The following DKKL1 variants were observed in gnomAD, a reference collection of about 807,000 sequenced individuals.
The protein encoded by DKKL1 is dickkopf-like protein 1.
DKKL1 carries 11 observed loss-of-function variants against 16.5 expected under a neutral mutation model. That is an observed-to-expected ratio of 0.67 (90% CI 0.42 to 1.10). DKKL1 has a LOEUF of 1.10. DKKL1 is among the 50% of genes least tolerant of loss of function. DKKL1 has a pLI of 0.00. For missense variants in DKKL1, 320 were observed against 308.1 expected (o/e 1.04, Z -0.29); for synonymous variants, 119 against 133.2 (o/e 0.89, Z 0.73).
chr19:49,374,227 C>T (rs866902560), intron 4 of DKKL1, among the ~76,000 whole-genome samples: 2 of 152,198 alleles, frequency 1.3e-5, no homozygotes, highest in African/African-American at 4.8e-5. Context: ...ACCTCGTGAT[C>T]CGCCAGCCTC....
chr19:49,373,985 A>AT (rs930127248), intron 4 of DKKL1, among the ~76,000 whole-genome samples: 55 of 143,942 alleles, frequency 3.8e-4, no homozygotes, highest in South Asian at 8.8e-4. Context: ...TGAAAGCTTT[A>AT]TTTTTTTTTT....
intron 4 of DKKL1, chr19:49,368,921 G>A (rs1228639318): frequency 6.6e-6 from 1 of 152,160 alleles, no homozygotes; most frequent in Non-Finnish European, 1.5e-5. Flanking sequence ...ACTTCTCCAA[G>A]TCTTTTGGCA....
chr19:49,361,341 G>A (rs1972912547), upstream of DKKL1: 1 of 153,314 alleles, frequency 6.5e-6, no homozygotes, highest in African/African-American at 2.4e-5. Context: ...CAGAGAGAGG[G>A]GGACAGAGGC....
chr19:49,366,267 A>T (rs1279077325), intron 4 of DKKL1, among the ~76,000 whole-genome samples: 1 of 152,122 alleles, frequency 6.6e-6, no homozygotes, highest in African/African-American at 2.4e-5. Context: ...GAGGACAAGA[A>T]GAGGAACTGA....
rs1279077325 is a variant in DKKL1, at chr19:49,366,267, A to C, written c.417+382A>C. 2.0e-5 allele frequency among the ~76,000 whole-genome samples: 3 copies of C among 152,240 alleles called. No individual in the cohort carries two copies. The South Asian group carries it at 6.2e-4, about 32-fold the overall frequency. On this transcript the variant is annotated intron_variant, in intron 4 of 4. Transcript: ENST00000221498. ...TTTTCTGTAGTTTAGGAGGACAAGA[A>C]GAGGAACTGACCCTCTTACTCCTCT...
chr19:49,363,135 G>C (rs1277491969), upstream of DKKL1: 1 of 152,072 alleles, frequency 6.6e-6, no homozygotes, highest in Non-Finnish European at 1.5e-5. Context: ...CCCGGGACGG[G>C]GAAGAGAGCT....
Position 49,374,997 on chromosome 19 carries a change from T to C in DKKL1, c.698T>C (p.Leu233Pro). The change falls in exon 5 of 5, where the codon CTG becomes CCG. Residue 233 changes from leucine to proline, a missense_variant. By Grantham distance (98) the Leu-to-Pro change is moderately conservative (BLOSUM62 -3). Coordinates refer to ENST00000221498, the MANE Select transcript of DKKL1 (RefSeq NM_014419.4). ...SRLSPRKTHL[L>P]YILRPSRQL ...CTGTCCCCCCGAAAGACCCACTTAC[T>C]GTACATCCTCAGGCCCTCTCGGCAG... The C allele has an allele frequency of 1.2e-6, 2 of 1,612,480 alleles. No individual in the cohort carries two copies. Among genetic ancestry groups the C allele is most frequent in the Non-Finnish European group, 1.7e-6 (2 of 1,179,376 alleles).
At position 49,374,712 on chromosome 19, in the gene DKKL1, C is replaced by A. The variant is rs750117535; in HGVS notation, c.418-5C>A. 1.6e-5 allele frequency: 25 copies of A among 1,519,864 alleles called. No individual in the cohort carries two copies. The South Asian group carries it at 3.0e-4, about 18-fold the overall frequency. The allele number at this position is 1,519,864 out of a possible 1,614,324, so 94.1% of individuals were successfully genotyped here. ...TGAGAGGGTCTCCTTGTTCTTCCTCCCCAGGTACCCAGGATGGAGGAGAAG... is the reference window on the plus strand; with the variant it reads ...TGAGAGGGTCTCCTTGTTCTTCCTCACCAGGTACCCAGGATGGAGGAGAAG... On this transcript the variant is annotated splice_region_variant and splice_polypyrimidine_tract_variant and intron_variant, in intron 4 of 4. Coordinates refer to ENST00000221498, the MANE Select transcript of DKKL1 (RefSeq NM_014419.4).
chr19:49,374,048 G>A (rs982602643), intron 4 of DKKL1, among the ~76,000 whole-genome samples: 18 of 151,386 alleles, frequency 1.2e-4, no homozygotes, highest in Admixed American at 2.6e-4. Flanking sequence ...GCAGTGGTGC[G>A]ATCTCGGCTC....
At position 49,374,837 on chromosome 19, in the gene DKKL1, C is replaced by A; in HGVS notation, c.538C>A (p.His180Asn). The A allele has an allele frequency of 6.2e-7, 1 of 1,613,828 alleles. No individual in the cohort carries two copies. Among genetic ancestry groups the A allele is most frequent in the African/African-American group, 1.3e-5 (1 of 75,054 alleles). Residue 180 changes from histidine (H) to asparagine (N), a missense_variant, in exon 5 of 5, where the codon CAC becomes AAC. Transcript: ENST00000221498. ...CATTAAGCTGCCACGGCGGAGGTCC[C>A]ACCAGGATGCCCTGGAGGGCGGCCA... is the stretch of plus-strand genomic sequence containing the variant. ...WIIKLPRRRS[H>N]QDALEGGHWL...
intron 2 of DKKL1, among the ~76,000 whole-genome samples, chr19:49,365,202 G>A (rs1242495304): frequency 6.8e-6 from 1 of 146,570 alleles, no homozygotes; most frequent in Non-Finnish European, 1.5e-5. Context: ...ATAAATAAGA[G>A]AGGAAAGGTA....
chr19:49,373,778 C>A (rs1180754852), intron 4 of DKKL1, among the ~76,000 whole-genome samples: 2 of 151,866 alleles, frequency 1.3e-5, no homozygotes, highest in African/African-American at 2.4e-5. Flanking sequence ...CAGGAGGAAA[C>A]AATTTAACAC....
At position 49,364,669 on chromosome 19, in the gene DKKL1, T is replaced by A; in HGVS notation, c.98T>A (p.Ile33Asn). The A allele has an allele frequency of 6.2e-7, 1 of 1,614,080 alleles. No homozygotes were observed. The highest frequency in any genetic ancestry group is 1.3e-5 in the African/African-American group (1 of 75,034). The change falls in exon 2 of 5, where the codon ATC (isoleucine) becomes AAC (asparagine). Residue 33 changes from isoleucine (I) to asparagine (N), a missense_variant. By Grantham distance (149) the Ile-to-Asn change is moderately radical (BLOSUM62 -3). Transcript: ENST00000221498. ...TLVIPSAAAP[I>N]HDADAQESSL... is the part of the protein sequence containing the mutation. ...GTGATCCCCTCCGCTGCAGCTCCTA[T>A]CCATGATGCTGACGCCCAAGAGAGC... is the stretch of plus-strand genomic sequence containing the variant.
chr19:49,362,138 C>T (rs1972995156), upstream of DKKL1, among the ~76,000 whole-genome samples: 1 of 152,198 alleles, frequency 6.6e-6, no homozygotes, highest in Non-Finnish European at 1.5e-5. Flanking sequence ...GCACCCGCTC[C>T]TGCGCGCACG....
chr19:49,366,104 T>C (rs528542928), intron 4 of DKKL1, among the ~76,000 whole-genome samples: 4 of 151,992 alleles, frequency 2.6e-5, no homozygotes, highest in Non-Finnish European at 5.9e-5. Context: ...ATTTTTTGTA[T>C]TTTTTTAGTA....
At chr19:49,364,394 G>A (rs891783850) in intron 1 of DKKL1, among the ~76,000 whole-genome samples, 188 bp from the exon 2 acceptor site, 5 of 151,306 alleles carry the variant, frequency 3.3e-5, no homozygotes, top group African/African-American at 1.2e-4. Context: ...AGAAGAGCCA[G>A]ACCTGGGAGA....
At chr19:49,372,080 G>C (rs1973513614) in intron 4 of DKKL1, among the ~76,000 whole-genome samples, 1 of 152,096 alleles carries the variant, frequency 6.6e-6, no homozygotes, top group South Asian at 2.1e-4. Context: ...TAATAAACAT[G>C]CATGTGCCTG....
At chr19:49,365,476 C>G (rs757439165) in intron 2 of DKKL1, 33 bp from the exon 3 acceptor site, 14 of 1,567,270 alleles carry the variant, frequency 8.9e-6, no homozygotes, top group Non-Finnish European at 7.8e-6. Context: ...GATGTGAGGT[C>G]CAGCAGCTCA....
chr19:49,367,783 A>G (rs1178797894), intron 4 of DKKL1, among the ~76,000 whole-genome samples: 1 of 152,230 alleles, frequency 6.6e-6, no homozygotes, highest in Non-Finnish European at 1.5e-5. Flanking sequence ...TTAATCCTGA[A>G]AAGTTTTAAG....
Sources: gnomAD v4.1 joint callset for allele counts (sites outside exome capture counted in the v4.1 genomes callset) on GRCh38, gnomAD v4.1.1 for gene constraint, MANE v1.5 for transcripts, NCBI Gene and HGNC (gene_info 2026-07-23, HGNC 2026-07-21) for gene names.